Variants in JAK3 observed in about 807,000 individuals in gnomAD.
The protein encoded by JAK3 is Janus kinase 3, also known as tyrosine-protein kinase JAK3.
In JAK3, 88 loss-of-function variants were observed where a neutral mutation model predicts 120.8. The observed-to-expected ratio is 0.73, with a 90% CI of 0.61 to 0.87. The LOEUF (loss-of-function observed/expected upper bound fraction) is 0.87, where lower values mean the gene tolerates loss of function less well. JAK3 is among the 40% of genes least tolerant of loss of function. JAK3 has a pLI of 0.00. For missense variants in JAK3, 1,254 were observed against 1,501.4 expected, an observed-to-expected ratio of 0.84 and a Z score of 2.72; for synonymous variants, 592 against 628.6, an observed-to-expected ratio of 0.94 and a Z score of 0.87.
At chr19:17,829,069 G>C (rs1159409265) in intron 23 of JAK3, among the ~76,000 whole-genome samples, 1 of 152,142 alleles carries the variant, frequency 6.6e-6, no homozygotes, top group Non-Finnish European at 1.5e-5. Flanking sequence ...CAAGGCAGGA[G>C]GATCGCTTGA....
chr19:17,837,016 G>T (rs2094225587), intron 13 of JAK3, 113 bp downstream of exon 13: 2 of 745,052 alleles, frequency 2.7e-6, no homozygotes, highest in African/African-American at 1.7e-5. Flanking sequence ...CTCCCATCCA[G>T]GGTGGCCCAG....
intron 17 of JAK3, among the ~76,000 whole-genome samples, chr19:17,834,063 A>G (rs1015665493): frequency 6.6e-6 from 1 of 152,022 alleles, no homozygotes; most frequent in Non-Finnish European, 1.5e-5. Context: ...AAAGAATGAA[A>G]TAGACCAGAC....
rs957277748 is a variant in JAK3 at position 17,825,847 on chromosome 19, G to A, written c.*896C>T. On this transcript the variant is annotated 3_prime_UTR_variant, in exon 24 of 24. Coordinates refer to ENST00000458235, the MANE Select transcript of JAK3 (RefSeq NM_000215.4). ...ACCCAGGAGGCGGAGCTTGCAGTGAGCCTAGATTGCGCCACTGTACTCCAG... is the reference window on the plus strand; with the variant it reads ...ACCCAGGAGGCGGAGCTTGCAGTGAACCTAGATTGCGCCACTGTACTCCAG... 7.1e-6 allele frequency: 1 copy of A among 141,730 alleles called. No individual in the cohort carries two copies. The highest frequency in any genetic ancestry group is 7.6e-5 in the Admixed American group (1 of 13,206). The allele number at this position is 141,730 out of a possible 1,614,324, so 8.8% of individuals were successfully genotyped here.
rs193922361 is a variant in JAK3, at chr19:17,837,171, G to A, written c.1744C>T (p.Arg582Trp). The A allele has an allele frequency of 4.5e-6, 7 of 1,571,746 alleles. No individual in the cohort carries two copies. In the Middle Eastern group the frequency reaches 6.1e-4, roughly 138 times the overall value. The part of the protein sequence containing the change: ...AASLMSQVSY[R>W]HLVLLHGVCM... The stretch of plus-strand genomic sequence containing the variant: ...ACGCCGTGGAGCAGCACGAGATGCC[G>A]GTACGACACTTGGCTCATCAAGCTC... The change falls in exon 13 of 24, where the codon CGG (arginine) becomes TGG (tryptophan). Residue 582 changes from arginine (R) to tryptophan (W), a missense_variant. Physicochemically the swap from Arg to Trp is moderately radical, Grantham distance 101. Transcript: ENST00000458235.
rs2147705870 is a variant in JAK3 at position 17,847,982 on chromosome 19, C to T, written c.-50G>A. 1 of 1,040,802 alleles carries T rather than the reference C, an allele frequency of 9.6e-7. No homozygotes were observed. Among genetic ancestry groups the T allele is most frequent in the Non-Finnish European group, 1.2e-6 (1 of 862,440 alleles). The allele number at this position is 1,040,802 out of a possible 1,614,324, so 64.5% of individuals were successfully genotyped here. ...GGACCCTGGACTTTCGAAGGGCGGG[C>T]AGAGCCGGGAGGCAGCGAGAGGAAA... On this transcript the variant is annotated 5_prime_UTR_variant, in exon 1 of 24. Transcript: ENST00000458235.
Position 17,830,125 on chromosome 19 carries a change from G to T in JAK3, c.3190C>A (p.Pro1064Thr), listed in dbSNP as rs2094211040. ...LEEGQRLPAP[P>T]ACPAEVHELM... ...GCGCTCACCTCAGCAGGGCAGGCAG[G>T]AGGCGCCGGCAGCCTCTGGCCCTCC... Residue 1064 changes from proline (P) to threonine (T), a missense_variant, in exon 23 of 24, where the codon CCT becomes ACT. By Grantham distance (38) the Pro-to-Thr change is conservative. Coordinates refer to ENST00000458235, the MANE Select transcript of JAK3 (RefSeq NM_000215.4). 1 of 1,583,158 alleles carries T rather than the reference G, an allele frequency of 6.3e-7. No individual in the cohort carries two copies. Among genetic ancestry groups the T allele is most frequent in the Non-Finnish European group, 8.6e-7 (1 of 1,165,996 alleles).
intron 1 of JAK3, 47 bp downstream of exon 1, chr19:17,847,899 C>A: frequency 6.1e-5 from 42 of 694,204 alleles, no homozygotes; most frequent in South Asian, 1.3e-4. Context: ...CCACCACCAT[C>A]CTCCCCCAGT....
Position 17,838,354 on chromosome 19 carries a change from C to T in JAK3, c.1478G>A (p.Ser493Asn), listed in dbSNP as rs1386273248. The change falls in exon 11 of 24, where the codon AGC becomes AAC. Residue 493 changes from serine (S) to asparagine (N), a missense_variant. Ser to Asn is a conservative substitution (Grantham distance 46). Transcript: ENST00000458235. Reference protein sequence around the residue: ...SNLIVVQRGHSPPTSSLVQPQ... With the variant: ...SNLIVVQRGHNPPTSSLVQPQ... ...CTGAACCAAGGATGATGTGGGTGGGCTGTGACCTCTCTGGACCACGATCAG... is the reference window on the plus strand; with the variant it reads ...CTGAACCAAGGATGATGTGGGTGGGTTGTGACCTCTCTGGACCACGATCAG... 3 of 1,614,066 alleles carry T rather than the reference C, an allele frequency of 1.9e-6. No individual in the cohort carries two copies. In the South Asian group the frequency reaches 3.3e-5, roughly 18 times the overall value.
chr19:17,831,879 G>C lies in JAK3; in HGVS notation c.2681-81C>G, dbSNP rs998721664. 1.9e-6 allele frequency: 3 copies of C among 1,564,088 alleles called. No homozygotes were observed. The highest frequency in any genetic ancestry group is 1.7e-5 in the Admixed American group (1 of 59,342). ...TTCCCCCCTTTCACAGTGGGACCTT[G>C]TGTCCCTCTCGACCTCAGTTTTGCT... On this transcript the variant is annotated intron_variant, in intron 19 of 23. Coordinates refer to ENST00000458235, the MANE Select transcript of JAK3 (RefSeq NM_000215.4). The surrounding 1 kb of genome is among the most constrained non-coding windows in gnomAD (Gnocchi z 5.1).
At chr19:17,830,322 AG>A (rs1226964149) in intron 22 of JAK3, 104 bp from the exon 23 acceptor site, 1 of 970,844 alleles carries the variant, frequency 1.0e-6, no homozygotes. Context: ...TGGAGCGGGG[AG>A]GGGCTGCCTG....
chr19:17,829,879 C>T (rs1431133222), intron 23 of JAK3: 2 of 605,248 alleles, frequency 3.3e-6, no homozygotes, highest in East Asian at 5.5e-5. Flanking sequence ...AATCTTCCCT[C>T]ACCCTATAAG....
intron 1 of JAK3, among the ~76,000 whole-genome samples, chr19:17,844,969 TG>T: frequency 6.6e-6 from 1 of 151,680 alleles, no homozygotes; most frequent in African/African-American, 2.4e-5. Flanking sequence ...GGGCCAGGGG[TG>T]GGGCTTCGAG....
At chr19:17,846,215 C>T (rs3212701) in intron 1 of JAK3, among the ~76,000 whole-genome samples, 50,522 of 152,074 alleles carry the variant, frequency 0.33, 9,910 homozygotes, top group African/African-American at 0.55. Context: ...TTGAGGTGGT[C>T]TGCTGAGCGC....
At chr19:17,830,029 C>T (rs554030260) in intron 23 of JAK3, 79 bp downstream of exon 23, 8 of 1,022,306 alleles carry the variant, frequency 7.8e-6, no homozygotes, top group Middle Eastern at 2.0e-4. Flanking sequence ...AGTACAGAGA[C>T]TCAGGCGCCA....
At chr19:17,834,491 G>C in intron 17 of JAK3, 80 bp downstream of exon 17, 1 of 1,542,266 alleles carries the variant, frequency 6.5e-7, no homozygotes. Flanking sequence ...ACAGGGCGTG[G>C]CCTGCTGCAA....
rs1173039574 is a variant in JAK3 at position 17,835,973 on chromosome 19, C to G, written c.1865G>C (p.Ser622Thr). 1.2e-6 allele frequency: 2 copies of G among 1,614,154 alleles called. No homozygotes were observed. Among genetic ancestry groups the G allele is most frequent in the Admixed American group, 3.3e-5 (2 of 60,022 alleles). ...LRKRGHLVPA[S>T]WKLQVVKQLA... ...CTGTTTGACCACCTGCAGCTTCCAG[C>G]TGGCTGGCACCAGGTGGCCACGTTT... Residue 622 changes from serine (S) to threonine (T), a missense_variant, in exon 14 of 24, where the codon AGC becomes ACC. By Grantham distance (58) the Ser-to-Thr change is moderately conservative. Coordinates refer to ENST00000458235, the MANE Select transcript of JAK3 (RefSeq NM_000215.4).
Position 17,834,860 on chromosome 19 carries a change from G to C in JAK3, c.2191C>G (p.Pro731Ala). ...GVTMPISALD[P>A]AKKLQFYEDR... Reference sequence around the variant, plus strand: ...GGGTGAGGGGCTCTGACCTTAGCAGGATCCAGGGCACTGATGGGCATGGTG... The same window carrying C: ...GGGTGAGGGGCTCTGACCTTAGCAGCATCCAGGGCACTGATGGGCATGGTG... The change falls in exon 16 of 24, where the codon CCT (proline) becomes GCT (alanine). Residue 731 changes from proline (P) to alanine (A), a missense_variant. Around this residue, in one of 3 missense-constraint regions of JAK3, gnomAD observed 630 missense variants for 819.8 expected, o/e 0.77. Coordinates refer to ENST00000458235, the MANE Select transcript of JAK3 (RefSeq NM_000215.4). The C allele has an allele frequency of 6.2e-7, 1 of 1,614,164 alleles. No individual in the cohort carries two copies. The highest frequency in any genetic ancestry group is 8.5e-7 in the Non-Finnish European group (1 of 1,180,026).
intron 1 of JAK3, among the ~76,000 whole-genome samples, chr19:17,846,477 T>C (rs966279736): frequency 1.3e-5 from 2 of 152,196 alleles, no homozygotes; most frequent in Non-Finnish European, 2.9e-5. Flanking sequence ...AGGAGCCCCA[T>C]CTCTCCCACA....
At position 17,843,640 on chromosome 19, in the gene JAK3, C is replaced by T; in HGVS notation, c.308+137G>A. On this transcript the variant is annotated intron_variant, in intron 3 of 23. Coordinates refer to ENST00000458235, the MANE Select transcript of JAK3 (RefSeq NM_000215.4). The surrounding 1 kb of genome is among the most constrained non-coding windows in gnomAD (Gnocchi z 5.4). ...TTGCTGTGTGACCTTGGGCAAGTGA[C>T]CCACCCTCTCTGGTCTGTTTCCTCA... 7.6e-7 allele frequency: 1 copy of T among 1,308,040 alleles called. No individual in the cohort carries two copies. Among genetic ancestry groups the T allele is most frequent in the South Asian group, 1.2e-5 (1 of 84,262 alleles). 81.0% of individuals were successfully genotyped at this position (1,308,040 alleles called of 1,614,324 possible).
Sources: gnomAD v4.1 joint callset for allele counts (sites outside exome capture counted in the v4.1 genomes callset) on GRCh38, gnomAD v4.1.1 for gene constraint, gnomAD v4.1.1 regional missense constraint, Gnocchi (gnomAD v3.1) non-coding constraint, MANE v1.5 for transcripts, NCBI Gene and HGNC (gene_info 2026-07-23, HGNC 2026-07-21) for gene names.